The following MCF2L variants were observed in gnomAD, a reference collection of about 807,000 sequenced individuals.
MCF2L encodes guanine nucleotide exchange factor DBS.
Under a neutral mutation model 153.4 loss-of-function variants are expected in MCF2L, and 97 were observed. That is an observed-to-expected ratio of 0.63 (90% CI 0.54 to 0.75). The LOEUF is 0.75. Among genes scored for constraint, MCF2L ranks in the 30% least tolerant of loss-of-function variants. MCF2L has a pLI of 0.00. For missense variants in MCF2L, 1,347 were observed against 1,495.2 expected, an observed-to-expected ratio of 0.90 and a Z score of 1.64; for synonymous variants, 659 against 632.2, an observed-to-expected ratio of 1.04 and a Z score of -0.64.
At chr13:112,926,223 T>G (rs1237438270) in intron 2 of MCF2L, among the ~76,000 whole-genome samples, 1 of 151,586 alleles carries the variant, frequency 6.6e-6, no homozygotes, top group Non-Finnish European at 1.5e-5. Flanking sequence ...AGTGGAGTAC[T>G]GTACGGCCTA....
chr13:112,914,691 C>T (rs2081272270), intron 2 of MCF2L, among the ~76,000 whole-genome samples: 1 of 152,220 alleles, frequency 6.6e-6, no homozygotes, highest in African/African-American at 2.4e-5. Flanking sequence ...ACTTTCATCA[C>T]TTGCATCTCA....
chr13:112,975,598 G>A lies in MCF2L; in HGVS notation c.79+6140G>A, dbSNP rs953693960. Among the ~76,000 whole-genome samples the A allele has an allele frequency of 7.9e-5, 12 of 152,044 alleles. No homozygotes were observed. In the Middle Eastern group the frequency reaches 0.014, roughly 174 times the overall value. On this transcript the variant is annotated intron_variant, in intron 1 of 29. Transcript: ENST00000535094. ...ACTTGTGCACATGGTCAGTGCCGGC[G>A]GGTACCCGCCATGAGCACCTGTGCA...
chr13:112,895,331 G>T (rs977887233), intron 1 of MCF2L, among the ~76,000 whole-genome samples: 4 of 152,168 alleles, frequency 2.6e-5, no homozygotes, highest in Non-Finnish European at 5.9e-5. Context: ...GCCCAGGCAG[G>T]ATGTGCCGGC....
intron 3 of MCF2L, among the ~76,000 whole-genome samples, chr13:113,037,753 T>C (rs933823740): frequency 1.3e-5 from 2 of 152,222 alleles, no homozygotes; most frequent in South Asian, 2.1e-4. Context: ...TGGTGAGGTA[T>C]TGAACGCTTT....
intron 2 of MCF2L, among the ~76,000 whole-genome samples, chr13:112,962,148 C>T (rs2081836765): frequency 6.6e-6 from 1 of 151,440 alleles, no homozygotes; most frequent in Non-Finnish European, 1.5e-5. Context: ...TTCATGCAGA[C>T]ATGCTCACAC....
chr13:113,070,261 G>A lies in MCF2L; in HGVS notation c.996+88G>A. On this transcript the variant is annotated intron_variant, in intron 9 of 29. Transcript: ENST00000535094. The surrounding 1 kb of genome is among the most constrained non-coding windows in gnomAD (Gnocchi z 5.6). ...CCCTGGTCCCAGTGCCGGGAGCTGAGCCGTGCCACCCAGTTGACTTTGGCT... is the reference window on the plus strand; with the variant it reads ...CCCTGGTCCCAGTGCCGGGAGCTGAACCGTGCCACCCAGTTGACTTTGGCT... 1 of 846,386 alleles carries A rather than the reference G, an allele frequency of 1.2e-6. No individual in the cohort carries two copies. The highest frequency in any genetic ancestry group is 1.7e-6 in the Non-Finnish European group (1 of 579,714). The allele number at this position is 846,386 out of a possible 1,614,324, so 52.4% of individuals were successfully genotyped here.
At chr13:113,036,949 T>C (rs1372875009) in intron 3 of MCF2L, among the ~76,000 whole-genome samples, 1 of 152,230 alleles carries the variant, frequency 6.6e-6, no homozygotes, top group Non-Finnish European at 1.5e-5. Flanking sequence ...AAGACCTGCG[T>C]TGTAGCAAGC....
In MCF2L at chr13:113,065,016, G is replaced by T. The variant is rs1479206570; in HGVS notation, c.687G>T (p.Glu229Asp). ...QSFGTELAET[E>D]LPNDVQSTSS... The stretch of plus-strand genomic sequence containing the variant: ...TCGGGACCGAGCTGGCTGAAACAGA[G>T]CTGCCCAATGACGTCCAGTCGACAA... Residue 229 changes from glutamate (E) to aspartate (D), a missense_variant, in exon 7 of 30, where the codon GAG (glutamate) becomes GAT (aspartate). Physicochemically the swap from Glu to Asp is conservative, Grantham distance 45. Transcript: ENST00000535094. 1 of 1,612,956 alleles carries T rather than the reference G, an allele frequency of 6.2e-7. No individual in the cohort carries two copies. The highest frequency in any genetic ancestry group is 2.2e-5 in the East Asian group (1 of 44,868).
At chr13:113,004,843 G>A (rs955035360) in intron 1 of MCF2L, among the ~76,000 whole-genome samples, 2 of 152,230 alleles carry the variant, frequency 1.3e-5, no homozygotes, top group Non-Finnish European at 2.9e-5. Context: ...TTTCTCTCTG[G>A]ACCTTACGAA....
Position 113,082,465 on chromosome 13 carries a change from C to T in MCF2L, c.1914C>T (p.His638=). The change falls in exon 17 of 30, where the codon CAC becomes CAT. Residue 638 remains histidine (H), a synonymous_variant. Coordinates refer to ENST00000535094, the MANE Select transcript of MCF2L (RefSeq NM_001112732.3). ...AGATGGATAACCCACTGATGGCTCACCTCCTGTCAACAGGCCTTCACAACA... is the reference window on the plus strand; with the variant it reads ...AGATGGATAACCCACTGATGGCTCATCTCCTGTCAACAGGCCTTCACAACA... ...AAEMDNPLMA[H]LLSTGLHNKK... 1 of 1,614,088 alleles carries T rather than the reference C, an allele frequency of 6.2e-7. No individual in the cohort carries two copies. The highest frequency in any genetic ancestry group is 8.5e-7 in the Non-Finnish European group (1 of 1,179,948).
rs2085754051 is a variant in MCF2L at position 113,031,960 on chromosome 13, G to GCA, written c.278+7203_278+7204insAC. Among the ~76,000 whole-genome samples, 1 of 152,018 alleles carries GCA rather than the reference G, an allele frequency of 6.6e-6. No individual in the cohort carries two copies. The highest frequency in any genetic ancestry group is 1.5e-5 in the Non-Finnish European group (1 of 67,990). ...TGTGCATGTGTATAACCACACACGTGCGCACACACACACATGCAAGTGCAT... is the reference window on the plus strand; with the variant it reads ...TGTGCATGTGTATAACCACACACGTGCACGCACACACACACATGCAAGTGCAT... On this transcript the variant is annotated intron_variant, in intron 3 of 29. Coordinates refer to ENST00000535094, the MANE Select transcript of MCF2L (RefSeq NM_001112732.3). This position sits in a 1 kb window ranked among gnomAD's most constrained non-coding sequence, Gnocchi z 5.5.
upstream of MCF2L, among the ~76,000 whole-genome samples, chr13:112,966,433 G>C (rs778767751): frequency 5.9e-5 from 9 of 152,182 alleles, no homozygotes; most frequent in Non-Finnish European, 8.8e-5. The surrounding 1 kb of genome is among the most constrained non-coding windows in gnomAD (Gnocchi z 4.1). Context: ...GATTGGGTGA[G>C]GCCCACCCAC....
At chr13:113,011,676 G>A (rs78098297) in intron 1 of MCF2L, among the ~76,000 whole-genome samples, 42 of 140,896 alleles carry the variant, frequency 3.0e-4, no homozygotes, top group South Asian at 1.1e-3. Flanking sequence ...TGATGCAGAC[G>A]GTGGACAGGC....
chr13:112,948,133 A>G (rs776914705), intron 2 of MCF2L, among the ~76,000 whole-genome samples: 3 of 152,080 alleles, frequency 2.0e-5, no homozygotes, highest in South Asian at 2.1e-4. Context: ...TCCCTAAACT[A>G]TTCTGTGCTG....
At chr13:113,091,039 C>T (rs934180131) in intron 26 of MCF2L, 8 of 1,295,994 alleles carry the variant, frequency 6.2e-6, no homozygotes, top group East Asian at 5.6e-5. Context: ...CCAGCACGAG[C>T]GCGGGTCAGC....
At chr13:113,022,388 C>G (rs1477372030) in intron 2 of MCF2L, among the ~76,000 whole-genome samples, 1 of 150,960 alleles carries the variant, frequency 6.6e-6, no homozygotes, top group Admixed American at 6.6e-5. Context: ...CCCACCCACC[C>G]CCGCCGGCCA....
chr13:113,081,919 A>G lies in MCF2L; in HGVS notation c.1876-508A>G, dbSNP rs112698053. 9.5e-3 allele frequency among the ~76,000 whole-genome samples: 1,426 copies of G among 150,814 alleles called. 18 individuals are homozygous for G. Among genetic ancestry groups the G allele is most frequent in the African/African-American group, 0.033 (1,358 of 40,800 alleles). Reference sequence around the variant, plus strand: ...CTGAGTGTTGACAGGTGTCTGATTCACTGAGTGTGCACATGTGGTCACCTG... The same window carrying G: ...CTGAGTGTTGACAGGTGTCTGATTCGCTGAGTGTGCACATGTGGTCACCTG... On this transcript the variant is annotated intron_variant, in intron 16 of 29. Coordinates refer to ENST00000535094, the MANE Select transcript of MCF2L (RefSeq NM_001112732.3).
intron 2 of MCF2L, among the ~76,000 whole-genome samples, chr13:113,015,234 C>T (rs2084430335): frequency 6.6e-6 from 1 of 152,240 alleles, no homozygotes; most frequent in Non-Finnish European, 1.5e-5. Flanking sequence ...CTGTGGCCTC[C>T]AGCCCTGCGT....
intron 17 of MCF2L, among the ~76,000 whole-genome samples, chr13:113,082,872 G>C (rs2034283820): frequency 6.6e-6 from 1 of 152,176 alleles, no homozygotes; most frequent in Admixed American, 6.5e-5. Context: ...TCCTCATCCT[G>C]CTGGGCAGGT....
Sources: gnomAD v4.1 joint callset for allele counts (sites outside exome capture counted in the v4.1 genomes callset) on GRCh38, gnomAD v4.1.1 for gene constraint, Gnocchi (gnomAD v3.1) non-coding constraint, MANE v1.5 for transcripts, NCBI Gene and HGNC (gene_info 2026-07-23, HGNC 2026-07-21) for gene names.